Variants in VPS13C observed in about 807,000 individuals in gnomAD.
VPS13C encodes the protein vacuolar protein sorting 13 homolog C, also known as intermembrane lipid transfer protein VPS13C.
VPS13C carries 358 observed loss-of-function variants against 456.8 expected under a neutral mutation model. The observed-to-expected ratio is 0.78, with a 90% CI of 0.72 to 0.86. The LOEUF (loss-of-function observed/expected upper bound fraction) is 0.86. Among genes scored for constraint, VPS13C ranks in the 40% least tolerant of loss-of-function variants. VPS13C has a pLI of 0.00. For synonymous variants in VPS13C, 1,578 were observed against 1,486.7 expected (o/e 1.06, Z -1.41); for missense variants, 4,818 against 4,385.4 (o/e 1.10, Z -2.79).
At chr15:61,893,940 ACT>A (rs1479787791) in intron 66 of VPS13C, among the ~76,000 whole-genome samples, 14 of 152,100 alleles carry the variant, frequency 9.2e-5, no homozygotes, top group African/African-American at 3.4e-4. Flanking sequence ...CTAAAAACAT[ACT>A]GTCAGAGAAA....
At chr15:61,997,751 C>A (rs968070762) in intron 16 of VPS13C, among the ~76,000 whole-genome samples, 2 of 152,298 alleles carry the variant, frequency 1.3e-5, no homozygotes, top group Admixed American at 6.5e-5. Flanking sequence ...TTTCTGATCA[C>A]CTTTATTTGC....
intron 20 of VPS13C, chr15:61,983,563 T>G (rs1421753455): frequency 5.3e-6 from 2 of 378,478 alleles, no homozygotes; most frequent in East Asian, 1.0e-4. Context: ...AACAAGAATT[T>G]TTAAAAGTAT....
intron 3 of VPS13C, among the ~76,000 whole-genome samples, chr15:62,035,498 A>G (rs2047962800): frequency 6.6e-6 from 1 of 151,964 alleles, no homozygotes; most frequent in Non-Finnish European, 1.5e-5. Flanking sequence ...ATGCTCTTCT[A>G]TCCACATCAA....
In VPS13C at chr15:61,907,337, C is replaced by G; in HGVS notation, c.9032G>C (p.Trp3011Ser). The stretch of plus-strand genomic sequence containing the variant: ...TTTTCTGGTACCAGTAGGATCTGCC[C>G]AGGCAAAAAGTCGAGCCTGTCTTGG... ...LLPRQARLFA[W>S]ADPTGTRKLT... Residue 3011 changes from tryptophan (W) to serine (S), a missense_variant, in exon 66 of 85, where the codon TGG becomes TCG. Physicochemically the swap from Trp to Ser is radical, Grantham distance 177. Around this residue, in one of 3 missense-constraint regions of VPS13C, gnomAD observed 4,552 missense variants for 4,130.6 expected, o/e 1.10. Transcript: ENST00000644861. 6.2e-7 allele frequency: 1 copy of G among 1,614,030 alleles called. No individual in the cohort carries two copies. The highest frequency in any genetic ancestry group is 8.5e-7 in the Non-Finnish European group (1 of 1,179,920).
chr15:61,949,739 A>T (rs2044724093), intron 41 of VPS13C, 134 bp from the exon 42 acceptor site: 1 of 752,564 alleles, frequency 1.3e-6, no homozygotes, highest in East Asian at 3.1e-5. Context: ...TTAAGAACTC[A>T]CTATTAACTC....
chr15:61,882,828 A>T, intron 68 of VPS13C, 92 bp from the exon 69 acceptor site: 1 of 1,313,034 alleles, frequency 7.6e-7, no homozygotes, highest in Non-Finnish European at 1.0e-6. Context: ...AATTGAAAAA[A>T]TCTTTATCTT....
At chr15:61,970,947 T>C (rs1373450818) in intron 27 of VPS13C, among the ~76,000 whole-genome samples, 1 of 150,614 alleles carries the variant, frequency 6.6e-6, no homozygotes, top group Non-Finnish European at 1.5e-5. Context: ...TGTGCTTTGG[T>C]ATACAGAAGG....
At chr15:61,909,571 T>G (rs994528743) in intron 64 of VPS13C, among the ~76,000 whole-genome samples, 2 of 152,234 alleles carry the variant, frequency 1.3e-5, no homozygotes, top group African/African-American at 4.8e-5. Context: ...ATGTTGGCAT[T>G]ATATATTGAT....
At chr15:61,982,711 C>T (rs976327884) in intron 20 of VPS13C, 138 bp from the exon 21 acceptor site, 18 of 575,166 alleles carry the variant, frequency 3.1e-5, no homozygotes, top group Non-Finnish European at 2.7e-5. Flanking sequence ...TACTACATCT[C>T]CCTTTGGAGT....
intron 20 of VPS13C, 117 bp downstream of exon 20, chr15:61,983,703 T>G (rs916959442): frequency 8.5e-7 from 1 of 1,171,224 alleles, no homozygotes; most frequent in Non-Finnish European, 1.2e-6. Flanking sequence ...AAAAACCTAT[T>G]AGGAAACTTA....
At chr15:62,015,780 G>T in intron 9 of VPS13C, among the ~76,000 whole-genome samples, 1 of 107,690 alleles carries the variant, frequency 9.3e-6, no homozygotes, top group South Asian at 3.7e-4. Flanking sequence ...CTGTGGTGGG[G>T]TCGGGGGAGG....
intron 35 of VPS13C, among the ~76,000 whole-genome samples, 184 bp from the exon 36 acceptor site, chr15:61,959,779 G>A (rs1368146035): frequency 3.3e-5 from 5 of 152,106 alleles, no homozygotes; most frequent in Non-Finnish European, 5.9e-5. Context: ...AAATTAAAAG[G>A]TGATATACAA....
At chr15:61,892,776 A>C (rs948540967) in intron 66 of VPS13C, among the ~76,000 whole-genome samples, 7 of 152,232 alleles carry the variant, frequency 4.6e-5, no homozygotes. Flanking sequence ...GAAATTTATC[A>C]GTGAAATTGA....
At chr15:61,978,370 A>T (rs1232185426) in intron 23 of VPS13C, among the ~76,000 whole-genome samples, 1 of 152,172 alleles carries the variant, frequency 6.6e-6, no homozygotes, top group African/African-American at 2.4e-5. Context: ...GTCACATTAC[A>T]AAAACATAGG....
intron 6 of VPS13C, among the ~76,000 whole-genome samples, chr15:62,027,252 A>G (rs2047670774): frequency 1.3e-5 from 2 of 152,044 alleles, no homozygotes; most frequent in Admixed American, 1.3e-4. Context: ...CCTTTAAAAA[A>G]AAACTGAATC....
Position 62,060,435 on chromosome 15 carries a change from C to T in VPS13C, c.-61G>A. ...AACCGCCCGGCGCAGCTGAGGGCTG[C>T]GACCAGCGCTGCAAATGACAGCCCC... On this transcript the variant is annotated 5_prime_UTR_variant, in exon 1 of 85. Coordinates refer to ENST00000644861, the MANE Select transcript of VPS13C (RefSeq NM_020821.3). 3.5e-6 allele frequency: 3 copies of T among 858,674 alleles called. No individual in the cohort carries two copies. Among genetic ancestry groups the T allele is most frequent in the South Asian group, 3.0e-5 (2 of 67,598 alleles). 53.2% of individuals were successfully genotyped at this position (858,674 alleles called of 1,614,324 possible).
At chr15:61,998,619 A>G (rs2046475730) in intron 16 of VPS13C, among the ~76,000 whole-genome samples, 1 of 152,250 alleles carries the variant, frequency 6.6e-6, no homozygotes, top group African/African-American at 2.4e-5. Flanking sequence ...TCATATAATT[A>G]GTAGATGGCA....
intron 66 of VPS13C, among the ~76,000 whole-genome samples, chr15:61,900,794 A>ATG (rs2042974096): frequency 6.6e-6 from 1 of 151,830 alleles, no homozygotes; most frequent in Non-Finnish European, 1.5e-5. Context: ...AAGAGCCCGC[A>ATG]TTGCCAAGTC....
In VPS13C at chr15:61,911,228, A is replaced by T. The variant is rs116213281; in HGVS notation, c.8715+612T>A. ...TGGCACACATTCCCCCATTTGCTTC[A>T]CCTCCTCTAATCTTACTGAGCATGA... is the stretch of plus-strand genomic sequence containing the variant. On this transcript the variant is annotated intron_variant, in intron 63 of 84. Transcript: ENST00000644861. 6.9e-3 allele frequency among the ~76,000 whole-genome samples: 1,044 copies of T among 152,046 alleles called. 9 individuals carry two copies. Among genetic ancestry groups the T allele is most frequent in the African/African-American group, 0.024 (1,002 of 41,480 alleles).
Sources: gnomAD v4.1 joint callset for allele counts (sites outside exome capture counted in the v4.1 genomes callset) on GRCh38, gnomAD v4.1.1 for gene constraint, gnomAD v4.1.1 regional missense constraint, MANE v1.5 for transcripts, NCBI Gene and HGNC (gene_info 2026-07-23, HGNC 2026-07-21) for gene names.